The following RGS6 variants were observed in gnomAD, a reference collection of about 807,000 sequenced individuals.
RGS6 encodes regulator of G protein signaling 6, also known as regulator of G-protein signaling 6.
Under a neutral mutation model 78.5 loss-of-function variants are expected in RGS6, and 30 were observed. The ratio of observed to expected loss-of-function variants is 0.38; its 90% CI spans 0.29 to 0.52. RGS6 has a LOEUF of 0.52. Ranked by LOEUF, RGS6 falls within the 20% of genes least tolerant of loss-of-function variation. RGS6 has a pLI of 0.85. For synonymous variants in RGS6, 206 were observed against 206.0 expected (o/e 1.00, Z 0.00); for missense variants, 495 against 609.7 (o/e 0.81, Z 1.98).
chr14:72,001,573 A>G (rs2083445836), intron 2 of RGS6, among the ~76,000 whole-genome samples: 1 of 152,018 alleles, frequency 6.6e-6, no homozygotes, highest in African/African-American at 2.4e-5. Context: ...AACTAACTCT[A>G]GAGTTTCAGA....
intron 2 of RGS6, among the ~76,000 whole-genome samples, chr14:72,317,795 C>G (rs2070739646): frequency 6.6e-6 from 1 of 151,994 alleles, no homozygotes; most frequent in African/African-American, 2.4e-5. Context: ...AGTCAGGGTT[C>G]TCTAGAGGGA....
chr14:71,943,050 A>G (rs957664680), intron 1 of RGS6, among the ~76,000 whole-genome samples: 3 of 152,106 alleles, frequency 2.0e-5, no homozygotes, highest in Non-Finnish European at 4.4e-5. Context: ...GGAAGCATGC[A>G]TTCTACAAAG....
chr14:72,544,990 T>G (rs1427587562), intron 17 of RGS6, among the ~76,000 whole-genome samples: 4 of 152,150 alleles, frequency 2.6e-5, no homozygotes, highest in African/African-American at 7.2e-5. Flanking sequence ...GAAGGCGGTG[T>G]TGTTTTCCCC....
intron 3 of RGS6, among the ~76,000 whole-genome samples, chr14:72,377,548 T>G (rs969968085): frequency 1.3e-5 from 2 of 152,124 alleles, no homozygotes; most frequent in East Asian, 3.9e-4. Context: ...CCAAATAATA[T>G]AAACCTAACG....
intron 2 of RGS6, among the ~76,000 whole-genome samples, chr14:72,184,890 G>A (rs1199456527): frequency 6.6e-6 from 1 of 152,178 alleles, no homozygotes; most frequent in East Asian, 1.9e-4. Context: ...ACATATGAAA[G>A]GGAGTTTATT....
chr14:72,128,409 T>C (rs1313992892), intron 2 of RGS6, among the ~76,000 whole-genome samples: 1 of 152,232 alleles, frequency 6.6e-6, no homozygotes, highest in East Asian at 1.9e-4. Context: ...AGTTACATTG[T>C]GTTCATGTTT....
chr14:72,557,757 C>T (rs2097602599), intron 17 of RGS6, among the ~76,000 whole-genome samples: 1 of 152,186 alleles, frequency 6.6e-6, no homozygotes, highest in Admixed American at 6.5e-5. Context: ...TGGAAAATGC[C>T]TGTGTGTCAC....
At chr14:72,281,915 G>C (rs2238209) in intron 2 of RGS6, among the ~76,000 whole-genome samples, 8,835 of 152,234 alleles carry the variant, frequency 0.058, 432 homozygotes, top group East Asian at 0.3. Context: ...TAAGACACAA[G>C]GTATTGGAAG....
chr14:72,171,863 A>G (rs1281524488), intron 2 of RGS6, among the ~76,000 whole-genome samples: 1 of 152,170 alleles, frequency 6.6e-6, no homozygotes, highest in Non-Finnish European at 1.5e-5. Context: ...TTATTATACC[A>G]CTTTGCTGAG....
intron 6 of RGS6, among the ~76,000 whole-genome samples, chr14:72,465,109 A>G (rs1324262203): frequency 6.6e-6 from 1 of 152,218 alleles, no homozygotes; most frequent in Non-Finnish European, 1.5e-5. Flanking sequence ...ACACATATGC[A>G]AAAGAATGAA....
chr14:72,107,253 A>C (rs556142739), intron 2 of RGS6, among the ~76,000 whole-genome samples: 108 of 152,286 alleles, frequency 7.1e-4, no homozygotes, highest in East Asian at 4.2e-3. Context: ...CAAAAAAAAA[A>C]CATGAACTAC....
intron 3 of RGS6, among the ~76,000 whole-genome samples, chr14:72,382,272 A>G (rs1019134877): frequency 2.6e-5 from 4 of 152,170 alleles, no homozygotes; most frequent in African/African-American, 7.2e-5. Context: ...TGCCATAGAA[A>G]AATGAGCAAA....
chr14:72,561,088 G>GTGT lies in RGS6; in HGVS notation c.1423-1324_1423-1322dup, dbSNP rs534393010. On this transcript the variant is annotated intron_variant, in intron 17 of 17. Coordinates refer to ENST00000553525, the MANE Select transcript of RGS6 (RefSeq NM_001204424.2). ...CCTGTATCCAGCAAATCCACAGCCC[G>GTGT]TGTTGTTTATTAGATAAACCCGTTA... is the stretch of plus-strand genomic sequence containing the variant. 1.8e-3 allele frequency among the ~76,000 whole-genome samples: 268 copies of GTGT among 152,238 alleles called. 2 individuals are homozygous for GTGT. In the Middle Eastern group the frequency reaches 0.034, roughly 19 times the overall value.
At chr14:72,007,322 T>C (rs1013200951) in intron 2 of RGS6, among the ~76,000 whole-genome samples, 6 of 152,244 alleles carry the variant, frequency 3.9e-5, no homozygotes, top group Non-Finnish European at 7.4e-5. Flanking sequence ...AAAGACCAAA[T>C]TCAGGGCACT....
intron 12 of RGS6, among the ~76,000 whole-genome samples, chr14:72,481,438 C>A (rs943659421): frequency 6.6e-6 from 1 of 152,172 alleles, no homozygotes; most frequent in Non-Finnish European, 1.5e-5. Flanking sequence ...CCCAGTCTCC[C>A]ACACAGAGAT....
intron 2 of RGS6, among the ~76,000 whole-genome samples, chr14:72,233,404 C>G (rs2050172770): frequency 6.6e-6 from 1 of 152,132 alleles, no homozygotes. Flanking sequence ...CATCGGGACA[C>G]AGTGCAGGCA....
At chr14:72,149,612 T>G (rs1822721588) in intron 2 of RGS6, among the ~76,000 whole-genome samples, 2 of 152,194 alleles carry the variant, frequency 1.3e-5, no homozygotes, top group South Asian at 4.1e-4. Context: ...AACCCATTAT[T>G]TTGAATCTGG....
chr14:72,539,617 G>T (rs1438004483), intron 16 of RGS6, among the ~76,000 whole-genome samples: 2 of 152,170 alleles, frequency 1.3e-5, no homozygotes, highest in African/African-American at 4.8e-5. Flanking sequence ...TCTGTTCTGT[G>T]TCAGGACTTG....
At chr14:72,326,704 A>AT (rs1208438740) in intron 2 of RGS6, among the ~76,000 whole-genome samples, 1 of 151,980 alleles carries the variant, frequency 6.6e-6, no homozygotes, top group East Asian at 1.9e-4. Flanking sequence ...AGTCTCAGGT[A>AT]TTTTTTTCTT....
Sources: gnomAD v4.1 joint callset for allele counts (sites outside exome capture counted in the v4.1 genomes callset) on GRCh38, gnomAD v4.1.1 for gene constraint, MANE v1.5 for transcripts, NCBI Gene and HGNC (gene_info 2026-07-23, HGNC 2026-07-21) for gene names.